Variants in AP1M1 observed in about 807,000 individuals in gnomAD.
The protein encoded by AP1M1 is adaptor related protein complex 1 subunit mu 1.
Under a neutral mutation model 57.1 loss-of-function variants are expected in AP1M1, and 18 were observed. The observed-to-expected ratio is 0.32, with a 90% CI of 0.22 to 0.47. The LOEUF is 0.47. AP1M1 is among the 20% of genes least tolerant of loss of function. The pLI, the probability that AP1M1 is intolerant of heterozygous loss-of-function variation, is 1.00. For synonymous variants in AP1M1, 241 were observed against 237.9 expected (o/e 1.01, Z -0.12); for missense variants, 362 against 593.5 (o/e 0.61, Z 4.05).
intron 4 of AP1M1, 115 bp from the exon 5 acceptor site, chr19:16,208,915 A>T: frequency 7.8e-7 from 1 of 1,285,612 alleles, no homozygotes; most frequent in African/African-American, 1.5e-5. Flanking sequence ...GCTATTTTCA[A>T]GTCGGTCAGA....
chr19:16,212,135 C>T (rs1191313658), intron 5 of AP1M1, among the ~76,000 whole-genome samples: 2 of 152,092 alleles, frequency 1.3e-5, no homozygotes, highest in Admixed American at 6.5e-5. Context: ...GGGGAGGAGT[C>T]CCTCCTCCTC....
intron 5 of AP1M1, among the ~76,000 whole-genome samples, chr19:16,210,122 G>A (rs1358605871): frequency 6.6e-6 from 1 of 152,226 alleles, no homozygotes; most frequent in African/African-American, 2.4e-5. Context: ...GCGTCATACA[G>A]TCATGAGCTC....
intron 1 of AP1M1, among the ~76,000 whole-genome samples, chr19:16,200,293 A>T (rs927919199): frequency 1.3e-5 from 2 of 152,146 alleles, no homozygotes; most frequent in Non-Finnish European, 2.9e-5. Flanking sequence ...GAAGAGGGCG[A>T]CGCTGGAAGT....
intron 2 of AP1M1, among the ~76,000 whole-genome samples, chr19:16,204,563 G>A (rs2145114682): frequency 6.6e-6 from 1 of 152,316 alleles, no homozygotes; most frequent in Middle Eastern, 3.4e-3. Context: ...GCCCTTTCCT[G>A]TGTTCTTGGA....
At chr19:16,217,546 G>A (rs114532627) in intron 5 of AP1M1, among the ~76,000 whole-genome samples, 3,698 of 152,096 alleles carry the variant, frequency 0.024, 124 homozygotes, top group African/African-American at 0.08. Flanking sequence ...CCCCGTTCAG[G>A]TACAGTCTGC....
At chr19:16,233,071 G>A (rs999897263) in intron 9 of AP1M1, among the ~76,000 whole-genome samples, 12 of 152,320 alleles carry the variant, frequency 7.9e-5, no homozygotes, top group African/African-American at 2.9e-4. Context: ...GAGACTGGGC[G>A]TGTGGCCCCT....
At chr19:16,230,433 C>G (rs1295783585) in intron 9 of AP1M1, among the ~76,000 whole-genome samples, 1 of 150,034 alleles carries the variant, frequency 6.7e-6, no homozygotes, top group Non-Finnish European at 1.5e-5. Flanking sequence ...CGGAGTCTCG[C>G]TCTGTCGCCT....
chr19:16,205,176 C>A (rs564824882), intron 2 of AP1M1, among the ~76,000 whole-genome samples: 1 of 152,274 alleles, frequency 6.6e-6, no homozygotes, highest in South Asian at 2.1e-4. Flanking sequence ...TCTGAAGCCG[C>A]CCAGGTATTG....
chr19:16,236,909 A>G lies in AP1M1; in HGVS notation c.*2474A>G, dbSNP rs1015463851. The G allele has an allele frequency of 1.8e-4, 28 of 152,252 alleles. 1 individual carries two copies. The highest frequency in any genetic ancestry group is 1.6e-3 in the Admixed American group (24 of 15,286). 9.4% of individuals were successfully genotyped at this position (152,252 alleles called of 1,614,324 possible). On this transcript the variant is annotated 3_prime_UTR_variant, in exon 12 of 12. Transcript: ENST00000291439. ...GCAGGATCAGATCCTCACGAACTTC[A>G]AAGATTATCGGCATGTAAACAAATA...
rs2091613741 is a variant in AP1M1, at chr19:16,234,324, T to C, written c.1249+50T>C. 1.9e-6 allele frequency: 3 copies of C among 1,612,988 alleles called. No homozygotes were observed. In the East Asian group the frequency reaches 6.7e-5, roughly 36 times the overall value. Reference sequence around the variant, plus strand: ...TGGGGTTGTACTGAGGGGTCCTCTGTGGCTGCCCCCAGGGTGGAGCCATCG... The same window carrying C: ...TGGGGTTGTACTGAGGGGTCCTCTGCGGCTGCCCCCAGGGTGGAGCCATCG... On this transcript the variant is annotated intron_variant, in intron 11 of 11. Transcript: ENST00000291439.
rs796130218 is a variant in AP1M1, at chr19:16,240,843, C to T, written c.*6408C>T. 10 of 152,236 alleles carry T rather than the reference C, an allele frequency of 6.6e-5. 1 individual carries two copies. The highest frequency in any genetic ancestry group is 2.4e-4 in the African/African-American group (10 of 41,552). The allele number at this position is 152,236 out of a possible 1,614,324, so 9.4% of individuals were successfully genotyped here. On this transcript the variant is annotated 3_prime_UTR_variant, in exon 12 of 12. Transcript: ENST00000291439. The stretch of plus-strand genomic sequence containing the variant: ...GTAACTAAAATAATCATAGTCGAAC[C>T]ACAGAACATATCAGACTCAGGGAAG...
chr19:16,226,716 T>A, intron 6 of AP1M1, 169 bp downstream of exon 6: 1 of 905,820 alleles, frequency 1.1e-6, no homozygotes, highest in Non-Finnish European at 1.6e-6. Flanking sequence ...CATCCTTCCC[T>A]GGACATAGAA....
intron 9 of AP1M1, among the ~76,000 whole-genome samples, chr19:16,232,512 G>C (rs1056728374): frequency 2.0e-5 from 3 of 152,240 alleles, no homozygotes; most frequent in African/African-American, 4.8e-5. Context: ...GAGCGGGTTT[G>C]TTCCCTCGCT....
In AP1M1 at chr19:16,227,818, A is replaced by G. The variant is rs114614235; in HGVS notation, c.816+128A>G. The G allele has an allele frequency of 1.3e-3, 1,675 of 1,252,084 alleles. 24 individuals are homozygous for G. The African/African-American group carries it at 0.02, about 15-fold the overall frequency. The allele number at this position is 1,252,084 out of a possible 1,614,324, so 77.6% of individuals were successfully genotyped here. The stretch of plus-strand genomic sequence containing the variant: ...CTCCATGAGCTGCCTGGCTCTGCAG[A>G]GATGGAGTCTGAGGACTTGGGACTC... On this transcript the variant is annotated intron_variant, in intron 7 of 11. Coordinates refer to ENST00000291439, the MANE Select transcript of AP1M1 (RefSeq NM_032493.4). This position sits in a 1 kb window ranked among gnomAD's most constrained non-coding sequence, Gnocchi z 6.2.
At chr19:16,226,625 G>C in intron 6 of AP1M1, 78 bp downstream of exon 6, 1 of 1,477,696 alleles carries the variant, frequency 6.8e-7, no homozygotes, top group South Asian at 1.3e-5. Flanking sequence ...GGCAGGGTTG[G>C]GCCAGGCGGA....
In AP1M1 at chr19:16,197,984, C is replaced by CAGCCACCGCCCTCGGCCGCTGCCGA; in HGVS notation, c.-43_-42insAGCCACCGCCCTCGGCCGCTGCCGA. ...CCAGCAGTCCCCACCGTCGCTGCCG[C>CAGCCACCGCCCTCGGCCGCTGCCGA]CGCCACCGCCCTCGGCCGCTGCCGA... On this transcript the variant is annotated 5_prime_UTR_variant, in exon 1 of 12. Coordinates refer to ENST00000291439, the MANE Select transcript of AP1M1 (RefSeq NM_032493.4). The CAGCCACCGCCCTCGGCCGCTGCCGA allele has an allele frequency of 6.5e-7, 1 of 1,536,194 alleles. No individual in the cohort carries two copies. Among genetic ancestry groups the CAGCCACCGCCCTCGGCCGCTGCCGA allele is most frequent in the African/African-American group, 1.4e-5 (1 of 70,538 alleles).
intron 9 of AP1M1, among the ~76,000 whole-genome samples, chr19:16,229,788 G>A (rs1295262501): frequency 6.6e-6 from 1 of 152,194 alleles, no homozygotes; most frequent in Non-Finnish European, 1.5e-5. Flanking sequence ...CTTTCCGCGT[G>A]TCTCCTCACC....
chr19:16,228,745 CG>C lies in AP1M1; in HGVS notation c.889-22del. On this transcript the variant is annotated intron_variant, in intron 8 of 11. Coordinates refer to ENST00000291439, the MANE Select transcript of AP1M1 (RefSeq NM_032493.4). The surrounding 1 kb of genome is among the most constrained non-coding windows in gnomAD (Gnocchi z 5.0). ...CAGCTCACCTTGGCCTCCATAACCC[CG>C]GGCCGCATTGGCCTGGCCTGCAGGC... 6.2e-7 allele frequency: 1 copy of C among 1,612,564 alleles called. No homozygotes were observed. The highest frequency in any genetic ancestry group is 8.5e-7 in the Non-Finnish European group (1 of 1,179,352).
chr19:16,201,388 C>CTTTTTT lies in AP1M1; in HGVS notation c.43-2048_43-2043dup, dbSNP rs57467734. Among the ~76,000 whole-genome samples, 114 of 62,402 alleles carry CTTTTTT rather than the reference C, an allele frequency of 1.8e-3. 5 individuals are homozygous for CTTTTTT. Among genetic ancestry groups the CTTTTTT allele is most frequent in the Non-Finnish European group, 2.6e-3 (88 of 33,974 alleles). 40.9% of individuals were successfully genotyped at this position (62,402 alleles called of 152,430 possible). The stretch of plus-strand genomic sequence containing the variant: ...CAGCCAGAGCAAGCAGGGAGGATTT[C>CTTTTTT]TTTTTTTTTTTTTTTTTTTTTTTTT... On this transcript the variant is annotated intron_variant, in intron 1 of 11. Transcript: ENST00000291439.
Sources: allele counts gnomAD v4.1 joint callset (sites outside exome capture counted in the v4.1 genomes callset), GRCh38; gene constraint gnomAD v4.1.1; non-coding constraint Gnocchi (gnomAD v3.1); transcripts MANE v1.5; gene names NCBI Gene and HGNC (gene_info 2026-07-23, HGNC 2026-07-21).